The following IGSF10 variants were observed in gnomAD, a reference collection of about 807,000 sequenced individuals.
The protein encoded by IGSF10 is calvaria mechanical force protein 608.
In IGSF10, 126 loss-of-function variants were observed where a neutral mutation model predicts 128.2. That is an observed-to-expected ratio of 0.98 (90% confidence interval 0.85 to 1.14). IGSF10 has a LOEUF of 1.14. IGSF10 is among the 50% of genes most tolerant of loss of function. IGSF10 has a pLI of 0.00. For synonymous variants in IGSF10, 1,185 were observed against 1,146.2 expected (o/e 1.03, Z -0.68); for missense variants, 3,295 against 3,149.8 (o/e 1.05, Z -1.10).
chr3:151,594,806 A>G, the IGSF10 span, among the ~76,000 whole-genome samples: 1 of 151,948 alleles, frequency 6.6e-6, no homozygotes, highest in African/African-American at 2.4e-5. Context: ...GAAATGATGA[A>G]CATTCCAGGT....
the IGSF10 span, among the ~76,000 whole-genome samples, chr3:151,587,261 G>A: frequency 6.6e-5 from 10 of 152,110 alleles, no homozygotes; most frequent in East Asian, 3.9e-4. Context: ...AGAGTATCAC[G>A]TCAGAATTTT....
chr3:151,547,419 AATAT>A, the IGSF10 span, among the ~76,000 whole-genome samples: 2 of 141,676 alleles, frequency 1.4e-5, no homozygotes, highest in African/African-American at 2.7e-5. Flanking sequence ...ATATTATATA[AATAT>A]ATATATACAC....
the IGSF10 span, among the ~76,000 whole-genome samples, chr3:151,515,603 A>G: frequency 2.0e-5 from 3 of 151,968 alleles, no homozygotes; most frequent in Non-Finnish European, 4.4e-5. Flanking sequence ...CATGTACCCT[A>G]AAACTTGAAG....
the IGSF10 span, among the ~76,000 whole-genome samples, chr3:151,589,115 A>C: frequency 4.3e-3 from 651 of 152,302 alleles, 3 homozygotes; most frequent in African/African-American, 0.015. Context: ...GATAAGTAAA[A>C]ATTTTTGCTA....
chr3:151,454,565 A>G (rs1421942595), intron 4 of IGSF10, among the ~76,000 whole-genome samples: 1 of 131,674 alleles, frequency 7.6e-6, no homozygotes, highest in East Asian at 2.2e-4. Context: ...ACTTTTGTCC[A>G]TGGTTGAAAA....
the IGSF10 span, among the ~76,000 whole-genome samples, chr3:151,504,630 T>TA: frequency 6.6e-6 from 1 of 152,200 alleles, no homozygotes; most frequent in Non-Finnish European, 1.5e-5. Flanking sequence ...TAAATAATGT[T>TA]AAACAAAGGT....
the IGSF10 span, among the ~76,000 whole-genome samples, chr3:151,552,419 C>T: frequency 6.6e-5 from 10 of 152,038 alleles, no homozygotes; most frequent in African/African-American, 2.2e-4. Context: ...GCCAGCAAAC[C>T]GAGAAGATGA....
chr3:151,517,527 A>G, the IGSF10 span, among the ~76,000 whole-genome samples: 7 of 151,952 alleles, frequency 4.6e-5, no homozygotes, highest in African/African-American at 1.7e-4. Flanking sequence ...TCTCCCTTCA[A>G]CTGAAAAGAG....
At chr3:151,459,554 C>CT (rs1721955185) in intron 2 of IGSF10, among the ~76,000 whole-genome samples, 1 of 152,190 alleles carries the variant, frequency 6.6e-6, no homozygotes, top group African/African-American at 2.4e-5. Flanking sequence ...ATGATGCTGT[C>CT]TGCTTTTGCT....
chr3:151,538,867 G>A, the IGSF10 span, among the ~76,000 whole-genome samples: 2 of 152,140 alleles, frequency 1.3e-5, no homozygotes, highest in South Asian at 2.1e-4. Context: ...CAAGGGCTCA[G>A]GGAAAAAGAA....
At chr3:151,519,116 T>C in the IGSF10 span, among the ~76,000 whole-genome samples, 1 of 152,046 alleles carries the variant, frequency 6.6e-6, no homozygotes, top group South Asian at 2.1e-4. Context: ...TAGTTAGCTA[T>C]TGCTACAATA....
the IGSF10 span, among the ~76,000 whole-genome samples, chr3:151,563,651 T>C: frequency 1.3e-5 from 2 of 152,184 alleles, no homozygotes; most frequent in East Asian, 1.9e-4. Context: ...CATTTAGCTC[T>C]AGTTTAAAGC....
At chr3:151,455,238 T>C (rs1015552425) in intron 4 of IGSF10, among the ~76,000 whole-genome samples, 2 of 151,464 alleles carry the variant, frequency 1.3e-5, no homozygotes, top group African/African-American at 4.8e-5. Context: ...GCCTCCTGAG[T>C]AACTGGGATT....
chr3:151,447,084 T>C lies in IGSF10; in HGVS notation c.2897A>G (p.His966Arg). Residue 966 changes from histidine (H) to arginine (R), a missense_variant, in exon 6 of 8, where the codon CAC becomes CGC. Coordinates refer to ENST00000282466, the MANE Select transcript of IGSF10 (RefSeq NM_178822.5). ...AGTAGTGTGAGAATAGAAGTGATTG[T>C]GCCTGGGTTCACTCACTTCTCTTAC... Reference protein sequence around the residue: ...TSVREVSEPRHNHFYSHTTQI... With the variant: ...TSVREVSEPRRNHFYSHTTQI... The C allele has an allele frequency of 6.2e-7, 1 of 1,614,216 alleles. No individual in the cohort carries two copies. Among genetic ancestry groups the C allele is most frequent in the Non-Finnish European group, 8.5e-7 (1 of 1,180,012 alleles).
At position 151,437,261 on chromosome 3, in the gene IGSF10, T is replaced by C. The variant is rs1720394301; in HGVS notation, c.7300A>G (p.Ile2434Val). 3.7e-6 allele frequency: 6 copies of C among 1,614,234 alleles called. No individual in the cohort carries two copies. Among genetic ancestry groups the C allele is most frequent in the Non-Finnish European group, 5.1e-6 (6 of 1,180,036 alleles). The change falls in exon 8 of 8, where the codon ATT becomes GTT. Residue 2434 changes from isoleucine (I) to valine (V), a missense_variant. Transcript: ENST00000282466. ...VILEIGQKPV[I>V]LTYAPGTVKG... is the part of the protein sequence containing the mutation. ...ACTGTCCCTGGTGCATAGGTAAGAA[T>C]AACTGGCTTCTGGCCAATTTCTAAT...
the IGSF10 span, among the ~76,000 whole-genome samples, chr3:151,611,801 T>C: frequency 8.1e-4 from 123 of 152,288 alleles, no homozygotes; most frequent in Non-Finnish European, 1.4e-3. Context: ...CCTGACTTCT[T>C]TCCTTCCGTT....
chr3:151,438,513 A>C lies in IGSF10; in HGVS notation c.6048T>G (p.Cys2016Trp). The change falls in exon 8 of 8, where the codon TGT becomes TGG. Residue 2016 changes from cysteine (C) to tryptophan (W), a missense_variant. By Grantham distance (215) the Cys-to-Trp change is radical. Coordinates refer to ENST00000282466, the MANE Select transcript of IGSF10 (RefSeq NM_178822.5). ...VTEKDSGVYLCVARNKMGDDL... is the reference protein window; with the variant it reads ...VTEKDSGVYLWVARNKMGDDL... The stretch of plus-strand genomic sequence containing the variant: ...CATCCCCCATTTTGTTTCTTGCCAC[A>C]CACAAGTAGACACCACTGTCTTTTT... 1 of 1,614,076 alleles carries C rather than the reference A, an allele frequency of 6.2e-7. No homozygotes were observed. The highest frequency in any genetic ancestry group is 1.7e-5 in the Admixed American group (1 of 60,002).
At chr3:151,565,008 G>A in the IGSF10 span, among the ~76,000 whole-genome samples, 4 of 152,170 alleles carry the variant, frequency 2.6e-5, no homozygotes, top group African/African-American at 4.8e-5. Context: ...TAAGTAACTT[G>A]TGCAAGATCA....
chr3:151,539,973 G>A, the IGSF10 span, among the ~76,000 whole-genome samples: 3 of 152,202 alleles, frequency 2.0e-5, no homozygotes, highest in Non-Finnish European at 1.5e-5. Context: ...GCCTTAGTCC[G>A]AGCCTAAGTA....
Sources: allele counts gnomAD v4.1 joint callset (sites outside exome capture counted in the v4.1 genomes callset), GRCh38; gene constraint gnomAD v4.1.1; transcripts MANE v1.5; gene names NCBI Gene and HGNC (gene_info 2026-07-23, HGNC 2026-07-21).